Variants in RPL9 observed in about 807,000 individuals in gnomAD.
RPL9 encodes large ribosomal subunit protein uL6.
For synonymous variants in RPL9, 82 were observed against 77.1 expected, an observed-to-expected ratio of 1.06 and a Z score of -0.33; for missense variants, 149 against 236.7, an observed-to-expected ratio of 0.63 and a Z score of 2.43.
Position 39,456,623 on chromosome 4 carries a change from T to C in RPL9, c.259-85A>G. The stretch of plus-strand genomic sequence containing the variant: ...AAATTTTCTAAGATGCTTATACTTA[T>C]TTTAAAACGTAACACTCACTGCCAA... On this transcript the variant is annotated intron_variant, in intron 4 of 7. Transcript: ENST00000295955. 3 of 1,435,122 alleles carry C rather than the reference T, an allele frequency of 2.1e-6. 1 individual carries two copies. In the South Asian group the frequency reaches 4.0e-5, roughly 19 times the overall value. The allele number at this position is 1,435,122 out of a possible 1,614,324, so 88.9% of individuals were successfully genotyped here.
chr4:39,458,638 G>C (rs1297621403), intron 1 of RPL9, 198 bp from the exon 2 acceptor site: 24 of 630,178 alleles, frequency 3.8e-5, no homozygotes, highest in Non-Finnish European at 6.1e-5. Context: ...ACGAGGCCCA[G>C]CAGTCGAACT....
intron 4 of RPL9, 140 bp from the exon 5 acceptor site, chr4:39,456,678 G>T: frequency 1.1e-6 from 1 of 912,990 alleles, no homozygotes; most frequent in Non-Finnish European, 1.7e-6. Flanking sequence ...CCTGAACCAA[G>T]CCTTATAAAC....
chr4:39,457,195 G>A (rs1421400928), intron 4 of RPL9: 5 of 164,810 alleles, frequency 3.0e-5, no homozygotes, highest in Admixed American at 1.2e-4. Flanking sequence ...TAAAGAATTC[G>A]GAAGGTATGA....
intron 7 of RPL9, 61 bp from the exon 8 acceptor site, chr4:39,454,286 A>T: frequency 1.6e-5 from 5 of 313,258 alleles, no homozygotes; most frequent in Non-Finnish European, 2.3e-5. Context: ...GGAAAGTACT[A>T]ATCTTTTTTC....
intron 5 of RPL9, chr4:39,456,029 T>C (rs1472610598): frequency 3.7e-6 from 1 of 271,790 alleles, no homozygotes; most frequent in Admixed American, 5.0e-5. Flanking sequence ...ATGTGTTAAT[T>C]AGCCTGATTT....
In RPL9 at chr4:39,456,428, G is replaced by A; in HGVS notation, c.369C>T (p.Ile123=). The change falls in exon 5 of 8, where the codon ATC becomes ATT. Residue 123 remains isoleucine, a synonymous_variant. Coordinates refer to ENST00000295955, the MANE Select transcript of RPL9 (RefSeq NM_000661.5). ...EIRNFLGEKY[I]RRVRMRPGVA... ...TACCTGGTCTCATCCGAACCCTGCG[G>A]ATATATTTTTCACCCAAGAAATTTC... 1 of 1,614,110 alleles carries A rather than the reference G, an allele frequency of 6.2e-7. No individual in the cohort carries two copies. Among genetic ancestry groups the A allele is most frequent in the South Asian group, 1.1e-5 (1 of 91,080 alleles).
At chr4:39,456,849 C>T (rs1482667646) in intron 4 of RPL9, 2 of 257,652 alleles carry the variant, frequency 7.8e-6, no homozygotes, top group Non-Finnish European at 1.5e-5. Context: ...AGGTACAGCA[C>T]ATGGCAGGAA....
chr4:39,456,552 A>G lies in RPL9; in HGVS notation c.259-14T>C, dbSNP rs1430628276. On this transcript the variant is annotated splice_polypyrimidine_tract_variant and intron_variant, in intron 4 of 7. Transcript: ENST00000295955. ...GTAACGGAAGCCCTATGTTAAATAA[A>G]TAAGCAAGCTATTAGCAATGCTGAG... 4 of 1,572,310 alleles carry G rather than the reference A, an allele frequency of 2.5e-6. No homozygotes were observed. The highest frequency in any genetic ancestry group is 2.7e-5 in the African/African-American group (2 of 74,862).
chr4:39,457,958 C>T lies in RPL9; in HGVS notation c.162+236G>A, dbSNP rs546489023. 7.6e-6 allele frequency: 5 copies of T among 659,590 alleles called. No homozygotes were observed. The East Asian group carries it at 1.1e-4, about 15-fold the overall frequency. 40.9% of individuals were successfully genotyped at this position (659,590 alleles called of 1,614,324 possible). A position where few individuals can be genotyped will look rare whatever the true frequency, so the allele number is the denominator to read the frequency against. On this transcript the variant is annotated intron_variant, in intron 3 of 7. Transcript: ENST00000295955. ...GCAATCACTAGGAAAATAAACCAAA[C>T]TTCTAACACCATTAAGACGTGTCAC...
chr4:39,456,020 T>C lies in RPL9; in HGVS notation c.391+386A>G, dbSNP rs544119708. 98 of 262,964 alleles carry C rather than the reference T, an allele frequency of 3.7e-4. 1 individual carries two copies. In the South Asian group the frequency reaches 3.8e-3, roughly 10 times the overall value. The allele number at this position is 262,964 out of a possible 1,614,324, so 16.3% of individuals were successfully genotyped here. On this transcript the variant is annotated intron_variant, in intron 5 of 7. Transcript: ENST00000295955. ...ACGAAGAAATAAATGGAGTGATGGA[T>C]GTGTTAATTAGCCTGATTTAGTCAT...
chr4:39,456,364 G>A, intron 5 of RPL9, 42 bp downstream of exon 5: 1 of 1,612,296 alleles, frequency 6.2e-7, no homozygotes, highest in Non-Finnish European at 8.5e-7. Flanking sequence ...AAAAAAATAT[G>A]AAGGAAAAAT....
chr4:39,458,865 C>T (rs771992768), intron 1 of RPL9, 26 bp downstream of exon 1: 62 of 698,036 alleles, frequency 8.9e-5, no homozygotes, highest in Non-Finnish European at 1.5e-4. Flanking sequence ...TTCCCAGTAC[C>T]CCCACGAGCA....
intron 6 of RPL9, 46 bp downstream of exon 6, chr4:39,454,818 T>C (rs1382267461): frequency 6.3e-7 from 1 of 1,585,584 alleles, no homozygotes; most frequent in Non-Finnish European, 8.6e-7. Context: ...AAACAAGATT[T>C]AGACAAAATC....
intron 4 of RPL9, chr4:39,456,765 C>A (rs576665451): frequency 8.0e-6 from 4 of 499,352 alleles, no homozygotes; most frequent in Non-Finnish European, 1.4e-5. Flanking sequence ...CCTCAATGAA[C>A]AATGCTGCCT....
chr4:39,456,698 T>TCCA (rs2109856304), intron 4 of RPL9, 160 bp from the exon 5 acceptor site: 1 of 767,152 alleles, frequency 1.3e-6, no homozygotes, highest in Admixed American at 2.9e-5. Context: ...CATTGTTCTG[T>TCCA]CTATTCAGTG....
At chr4:39,458,473 C>CA in intron 1 of RPL9, 33 bp from the exon 2 acceptor site, 1 of 1,611,230 alleles carries the variant, frequency 6.2e-7, no homozygotes, top group Non-Finnish European at 8.5e-7. Context: ...GAGGCCGACG[C>CA]AAGGCCCGTT....
At chr4:39,457,525 TAAAGC>T (rs1304214022) in intron 4 of RPL9, 56 bp downstream of exon 4, 1 of 1,339,970 alleles carries the variant, frequency 7.5e-7, no homozygotes, top group Non-Finnish European at 1.1e-6. Flanking sequence ...TTACGCTGTA[TAAAGC>T]ACAGGTTTGA....
chr4:39,458,012 T>C (rs1744183073), intron 3 of RPL9, 182 bp downstream of exon 3: 2 of 723,538 alleles, frequency 2.8e-6, no homozygotes, highest in Non-Finnish European at 4.9e-6. Flanking sequence ...TTGAGCTTTA[T>C]ATAATTGGCT....
intron 5 of RPL9, chr4:39,455,740 A>T (rs1744060925): frequency 6.4e-6 from 1 of 155,536 alleles, no homozygotes; most frequent in Non-Finnish European, 1.4e-5. Context: ...ACCGTACTCC[A>T]GCCTGGGCAA....
Sources: gnomAD v4.1 joint callset for allele counts on GRCh38, gnomAD v4.1.1 for gene constraint, MANE v1.5 for transcripts, NCBI Gene and HGNC (gene_info 2026-07-23, HGNC 2026-07-21) for gene names.